Variants in LNP1 observed in about 807,000 individuals in gnomAD.
The protein encoded by LNP1 is leukemia NUP98 fusion partner 1.
Under a neutral mutation model 14.5 loss-of-function variants are expected in LNP1, and 12 were observed. That is an observed-to-expected ratio of 0.83 (90% CI 0.53 to 1.34). LNP1 has a LOEUF of 1.34. LNP1 is among the 40% of genes most tolerant of loss of function. The probability of loss-of-function intolerance (pLI) is 0.00; values close to 1 mark genes in which losing one functional copy is unlikely to be tolerated. For missense variants in LNP1, 198 were observed against 210.9 expected, an observed-to-expected ratio of 0.94 and a Z score of 0.38; for synonymous variants, 75 against 71.4, an observed-to-expected ratio of 1.05 and a Z score of -0.26.
intron 1 of LNP1, among the ~76,000 whole-genome samples, chr3:100,416,780 T>C (rs6771481): frequency 0.4 from 60,390 of 150,278 alleles, 12,684 homozygotes; most frequent in East Asian, 0.75. Flanking sequence ...GTTTGTTACA[T>C]AGGTATACAT....
At chr3:100,424,660 C>G (rs879833075) in intron 1 of LNP1, among the ~76,000 whole-genome samples, 3 of 152,192 alleles carry the variant, frequency 2.0e-5, no homozygotes, top group Admixed American at 6.5e-5. Flanking sequence ...TTAGACCACT[C>G]TTATAATTTA....
intron 1 of LNP1, among the ~76,000 whole-genome samples, chr3:100,414,562 G>T (rs1312469127): frequency 6.6e-6 from 1 of 150,730 alleles, no homozygotes; most frequent in Non-Finnish European, 1.5e-5. Context: ...AAAAAAAAAA[G>T]TTAATCAAAG....
chr3:100,428,221 A>G (rs1576230777), intron 1 of LNP1, among the ~76,000 whole-genome samples: 1 of 152,170 alleles, frequency 6.6e-6, no homozygotes, highest in East Asian at 1.9e-4. Context: ...TCCCAGTCAC[A>G]GGGTTGTTAT....
intron 1 of LNP1, among the ~76,000 whole-genome samples, chr3:100,422,800 CCTCTTTTTTTT>C (rs1707157024): frequency 7.2e-6 from 1 of 138,244 alleles, no homozygotes; most frequent in African/African-American, 2.8e-5. Flanking sequence ...TGCTTTGTCT[CCTCTTTTTTTT>C]TTTTTTTTTT....
chr3:100,452,197 T>C (rs1394910459), intron 3 of LNP1, among the ~76,000 whole-genome samples: 1 of 146,044 alleles, frequency 6.8e-6, no homozygotes, highest in Non-Finnish European at 1.5e-5. Context: ...TTCTAGTTTT[T>C]CTTTCTTTTT....
At chr3:100,424,977 T>C (rs946684810) in intron 1 of LNP1, among the ~76,000 whole-genome samples, 1 of 152,206 alleles carries the variant, frequency 6.6e-6, no homozygotes, top group Non-Finnish European at 1.5e-5. Flanking sequence ...GCCAGGTGGC[T>C]TTCTCCTTAA....
At chr3:100,404,983 G>T (rs905493761) in intron 1 of LNP1, among the ~76,000 whole-genome samples, 1 of 151,792 alleles carries the variant, frequency 6.6e-6, no homozygotes, top group Non-Finnish European at 1.5e-5. Flanking sequence ...TAGTAGAGAC[G>T]GGGTTTCACC....
intron 3 of LNP1, among the ~76,000 whole-genome samples, chr3:100,454,464 G>A (rs1224303257): frequency 2.6e-5 from 4 of 151,958 alleles, no homozygotes; most frequent in South Asian, 2.1e-4. Flanking sequence ...GATTTATATC[G>A]TCTTTTGTTT....
rs73860642 is a variant in LNP1, at chr3:100,439,346, T to C, written c.156+9461T>C. 8.5e-3 allele frequency among the ~76,000 whole-genome samples: 1,292 copies of C among 152,052 alleles called. 23 individuals carry two copies. The highest frequency in any genetic ancestry group is 0.03 in the African/African-American group (1,229 of 41,466). On this transcript the variant is annotated intron_variant, in intron 2 of 3. Transcript: ENST00000383693. ...GAAAAACTTTGGTAAGAGTCTGATA[T>C]GTTTTAACATTACCAATCTTGGGAT...
At chr3:100,450,089 C>CT (rs57762414) in intron 2 of LNP1, among the ~76,000 whole-genome samples, 6,988 of 135,032 alleles carry the variant, frequency 0.052, 372 homozygotes, top group African/African-American at 0.13. Flanking sequence ...CACCATACCA[C>CT]TTTTTTTTTT....
At chr3:100,427,026 A>G (rs1272281798) in intron 1 of LNP1, among the ~76,000 whole-genome samples, 1 of 152,120 alleles carries the variant, frequency 6.6e-6, no homozygotes, top group East Asian at 1.9e-4. Flanking sequence ...TTCAGCGTAT[A>G]TGATTCACAT....
rs367982496 is a variant in LNP1, at chr3:100,455,965, T to C, written c.*39T>C. Reference sequence around the variant, plus strand: ...CCTCATGACATCAGATGCTACTGTTTTGGTTTTTTTCTTTGAGCCCCAATT... The same window carrying C: ...CCTCATGACATCAGATGCTACTGTTCTGGTTTTTTTCTTTGAGCCCCAATT... On this transcript the variant is annotated 3_prime_UTR_variant, in exon 4 of 4. Transcript: ENST00000383693. 100 of 1,570,790 alleles carry C rather than the reference T, an allele frequency of 6.4e-5. No homozygotes were observed. Among genetic ancestry groups the C allele is most frequent in the Non-Finnish European group, 3.9e-5 (45 of 1,162,274 alleles).
chr3:100,429,922 A>C, intron 2 of LNP1, 37 bp downstream of exon 2: 1 of 1,594,554 alleles, frequency 6.3e-7, no homozygotes, highest in Non-Finnish European at 8.5e-7. Context: ...GGAGAGCTGG[A>C]ATAGGGGAGG....
chr3:100,448,001 T>G (rs1317789834), intron 2 of LNP1, among the ~76,000 whole-genome samples: 1 of 152,226 alleles, frequency 6.6e-6, no homozygotes, highest in South Asian at 2.1e-4. Flanking sequence ...AAATCTCTAT[T>G]CTTTAGATTA....
chr3:100,439,168 G>A (rs1035041540), intron 2 of LNP1, among the ~76,000 whole-genome samples: 1 of 151,720 alleles, frequency 6.6e-6, no homozygotes, highest in Admixed American at 6.6e-5. Context: ...AATGGAAAAG[G>A]ACATTTGTAC....
chr3:100,423,624 C>G (rs894206774), intron 1 of LNP1, among the ~76,000 whole-genome samples: 2 of 152,176 alleles, frequency 1.3e-5, no homozygotes, highest in Admixed American at 6.5e-5. Context: ...TATCCGTTCA[C>G]TTTATGAGAA....
chr3:100,442,790 T>C (rs565378837), intron 2 of LNP1, among the ~76,000 whole-genome samples: 1 of 152,242 alleles, frequency 6.6e-6, no homozygotes, highest in East Asian at 1.9e-4. Context: ...ATAAAATCTT[T>C]TGGAATAAGT....
At chr3:100,402,643 AT>A (rs34360656) in intron 1 of LNP1, among the ~76,000 whole-genome samples, 15,832 of 144,956 alleles carry the variant, frequency 0.11, 1,186 homozygotes, top group African/African-American at 0.22. Flanking sequence ...ACAAGTTAGG[AT>A]TTTTTTTTTT....
At chr3:100,429,037 C>G (rs982108734) in intron 1 of LNP1, among the ~76,000 whole-genome samples, 2 of 152,124 alleles carry the variant, frequency 1.3e-5, no homozygotes, top group Non-Finnish European at 2.9e-5. Flanking sequence ...GGTGGTAACA[C>G]AGGGGTATAT....
Sources: gnomAD v4.1 joint callset for allele counts (sites outside exome capture counted in the v4.1 genomes callset) on GRCh38, gnomAD v4.1.1 for gene constraint, MANE v1.5 for transcripts, NCBI Gene and HGNC (gene_info 2026-07-23, HGNC 2026-07-21) for gene names.